The following ACE variants were observed in gnomAD, a reference collection of about 807,000 sequenced individuals.
The protein encoded by ACE is angiotensin-converting enzyme.
A neutral mutation model predicts 162.3 loss-of-function variants in ACE; 122 were observed. That is an observed-to-expected ratio of 0.75 (90% CI 0.65 to 0.87). The LOEUF (loss-of-function observed/expected upper bound fraction) is 0.87, where lower values mean the gene tolerates loss of function less well. ACE is among the 40% of genes least tolerant of loss of function. The probability of loss-of-function intolerance (pLI) is 0.00; values close to 1 mark genes in which losing one functional copy is unlikely to be tolerated. For synonymous variants in ACE, 796 were observed against 720.6 expected (o/e 1.10, Z -1.68); for missense variants, 1,799 against 1,735.1 (o/e 1.04, Z -0.65).
chr17:63,488,875 A>G, intron 16 of ACE, 66 bp from the exon 17 acceptor site: 1 of 1,613,786 alleles, frequency 6.2e-7, no homozygotes, highest in Non-Finnish European at 8.5e-7. Flanking sequence ...AGCCTAGGAA[A>G]AGGTAGATCC....
intron 20 of ACE, 37 bp downstream of exon 20, chr17:63,493,696 C>T (rs781345416): frequency 1.2e-6 from 2 of 1,606,400 alleles, no homozygotes; most frequent in South Asian, 1.1e-5. Context: ...GGGCTGAGGA[C>T]CAAGAAAGGG....
In ACE at chr17:63,484,549, C is replaced by A. The variant is rs369901803; in HGVS notation, c.1921+8C>A. On this transcript the variant is annotated splice_region_variant and intron_variant, in intron 12 of 24. Coordinates refer to ENST00000290866, the MANE Select transcript of ACE (RefSeq NM_000789.4). This position sits in a 1 kb window ranked among gnomAD's most constrained non-coding sequence, Gnocchi z 4.0. ...ACTACCCGGAGGGCATAGGTAAAGC[C>A]CTGAGTGAGGATGGTGTGGGGCTAA... The A allele has an allele frequency of 2.5e-6, 4 of 1,608,398 alleles. No homozygotes were observed. The highest frequency in any genetic ancestry group is 3.4e-6 in the Non-Finnish European group (4 of 1,178,334).
rs575365682 is a variant in ACE, at chr17:63,480,994, G to A, written c.848-97G>A. On this transcript the variant is annotated intron_variant, in intron 5 of 24. Coordinates refer to ENST00000290866, the MANE Select transcript of ACE (RefSeq NM_000789.4). ...GGCCTGCAGCCCTTGAGGGCCCCAG[G>A]GTACAGGTGCCGGCCCCAGGGTGCC... The A allele has an allele frequency of 8.2e-5, 100 of 1,217,048 alleles. No homozygotes were observed. In the South Asian group the frequency reaches 9.0e-4, roughly 11 times the overall value. The allele number at this position is 1,217,048 out of a possible 1,614,324, so 75.4% of individuals were successfully genotyped here. A position where few individuals can be genotyped will look rare whatever the true frequency, so the allele number is the denominator to read the frequency against.
intron 2 of ACE, 45 bp downstream of exon 2, chr17:63,478,143 CCCCAT>C (rs2049650334): frequency 1.9e-6 from 3 of 1,550,154 alleles, no homozygotes; most frequent in Non-Finnish European, 2.6e-6. Context: ...CCTCCTAGTG[CCCCAT>C]CGTGGGGGTC....
intron 1 of ACE, chr17:63,477,610 C>T (rs2049639758): frequency 5.1e-6 from 2 of 395,716 alleles, no homozygotes; most frequent in Admixed American, 4.0e-5. Context: ...GCTCTGGGGC[C>T]CCCGCGCTCT....
intron 9 of ACE, 106 bp from the exon 10 acceptor site, chr17:63,483,354 C>T: frequency 2.7e-6 from 4 of 1,464,206 alleles, no homozygotes; most frequent in Admixed American, 3.4e-5. Flanking sequence ...TCCCCAGTTC[C>T]TCAGGATGGG....
intron 7 of ACE, 51 bp from the exon 8 acceptor site, chr17:63,482,415 G>A (rs937170194): frequency 1.9e-6 from 3 of 1,555,534 alleles, no homozygotes; most frequent in Admixed American, 3.6e-5. Flanking sequence ...CCCTGGCCCT[G>A]CCCTGTTCTG....
intron 9 of ACE, 92 bp downstream of exon 9, chr17:63,483,265 TCTC>T: frequency 6.2e-7 from 1 of 1,600,268 alleles, no homozygotes; most frequent in Non-Finnish European, 8.5e-7. Flanking sequence ...AGTTCTAGCC[TCTC>T]CTCTCTAATG....
At position 63,488,957 on chromosome 17, in the gene ACE, G is replaced by A. The variant is rs758008802; in HGVS notation, c.2466G>A (p.Gly822=). ...CCTCTGTAGGCTATGTAGATGCAGGGGACTCGTGGAGGTCTATGTACGAGA... is the reference window on the plus strand; with the variant it reads ...CCTCTGTAGGCTATGTAGATGCAGGAGACTCGTGGAGGTCTATGTACGAGA... ...AARLNGYVDA[G]DSWRSMYETP... The change falls in exon 17 of 25, where the codon GGG becomes GGA. Residue 822 remains glycine, a synonymous_variant. Coordinates refer to ENST00000290866, the MANE Select transcript of ACE (RefSeq NM_000789.4). The A allele has an allele frequency of 3.1e-6, 5 of 1,614,110 alleles. No homozygotes were observed. The highest frequency in any genetic ancestry group is 4.2e-6 in the Non-Finnish European group (5 of 1,180,048).
Position 63,477,450 on chromosome 17 carries a change from C to T in ACE, c.249+107C>T, listed in dbSNP as rs2049636091. 4.4e-6 allele frequency: 4 copies of T among 911,110 alleles called. No homozygotes were observed. The South Asian group carries it at 2.1e-4, about 48-fold the overall frequency. 56.4% of individuals were successfully genotyped at this position (911,110 alleles called of 1,614,324 possible). On this transcript the variant is annotated intron_variant, in intron 1 of 24. Transcript: ENST00000290866. ...GCTGGCGCCCCCGACCCGAACCCCACCCCGACCCCGGACCCTCGCCCCGAC... is the reference window on the plus strand; with the variant it reads ...GCTGGCGCCCCCGACCCGAACCCCATCCCGACCCCGGACCCTCGCCCCGAC...
Position 63,497,758 on chromosome 17 carries a change from G to T in ACE, c.*392G>T. 5.0e-6 allele frequency: 2 copies of T among 399,826 alleles called. 1 individual carries two copies. Among genetic ancestry groups the T allele is most frequent in the South Asian group, 4.2e-5 (2 of 47,378 alleles). The allele number at this position is 399,826 out of a possible 1,614,324, so 24.8% of individuals were successfully genotyped here. A position where few individuals can be genotyped will look rare whatever the true frequency, so the allele number is the denominator to read the frequency against. On this transcript the variant is annotated 3_prime_UTR_variant, in exon 25 of 25. Transcript: ENST00000290866. Reference sequence around the variant, plus strand: ...AGCCGGGGAGGATCCCCAGAGCTCTGCCCCAGCACCTCCTGGCGCTGGCGC... The same window carrying T: ...AGCCGGGGAGGATCCCCAGAGCTCTTCCCCAGCACCTCCTGGCGCTGGCGC...
At chr17:63,497,038 T>A (rs759206929) in intron 24 of ACE, 53 bp downstream of exon 24, 1 of 1,581,506 alleles carries the variant, frequency 6.3e-7, no homozygotes, top group Non-Finnish European at 8.6e-7. Flanking sequence ...CTCCCCAGGC[T>A]GGGCAGCCAT....
chr17:63,489,678 C>G (rs919324526), intron 17 of ACE, among the ~76,000 whole-genome samples: 1 of 152,174 alleles, frequency 6.6e-6, no homozygotes, highest in African/African-American at 2.4e-5. Flanking sequence ...GCGGTGAGGA[C>G]AGTAAGGGAT....
At position 63,483,567 on chromosome 17, in the gene ACE, G is replaced by GCGGGGGGCCCCCC; in HGVS notation, c.1586+10_1586+11insGGGGGGCCCCCCC. 1.9e-6 allele frequency: 3 copies of GCGGGGGGCCCCCC among 1,589,392 alleles called. No individual in the cohort carries two copies. The highest frequency in any genetic ancestry group is 2.6e-6 in the Non-Finnish European group (3 of 1,165,568). Reference sequence around the variant, plus strand: ...GTGACACCATACATCAGGTATTAGCGCCCCCACCCCACCCACCCCCAGTAC... The same window carrying GCGGGGGGCCCCCC: ...GTGACACCATACATCAGGTATTAGCGCGGGGGGCCCCCCCCCCCACCCCACCCACCCCCAGTAC... On this transcript the variant is annotated intron_variant, in intron 10 of 24. Coordinates refer to ENST00000290866, the MANE Select transcript of ACE (RefSeq NM_000789.4).
Position 63,491,461 on chromosome 17 carries a change from T to A in ACE, c.2912+80T>A. On this transcript the variant is annotated intron_variant, in intron 19 of 24. Transcript: ENST00000290866. The surrounding 1 kb of genome is among the most constrained non-coding windows in gnomAD (Gnocchi z 4.4). Reference sequence around the variant, plus strand: ...GAACCAAGCAAAGGGTCCACTACTGTCCCCCAGCTGGAGCCAGCAGGGCAG... The same window carrying A: ...GAACCAAGCAAAGGGTCCACTACTGACCCCCAGCTGGAGCCAGCAGGGCAG... 6.3e-7 allele frequency: 1 copy of A among 1,576,714 alleles called. No individual in the cohort carries two copies. The highest frequency in any genetic ancestry group is 8.7e-7 in the Non-Finnish European group (1 of 1,151,328).
chr17:63,481,635 C>T lies in ACE; in HGVS notation c.1015C>T (p.Pro339Ser), dbSNP rs1455859263. Reference protein sequence around the residue: ...FFTSLELSPMPPEFWEGSMLE... With the variant: ...FFTSLELSPMSPEFWEGSMLE... ...CACCTCCCTGGAGCTCTCCCCCATG[C>T]CTCCCGAGTTCTGGGAAGGGTCGAT... Residue 339 changes from proline to serine, a missense_variant, in exon 7 of 25, where the codon CCT becomes TCT. Transcript: ENST00000290866. The T allele has an allele frequency of 1.9e-6, 3 of 1,614,108 alleles. No homozygotes were observed. In the East Asian group the frequency reaches 6.7e-5, roughly 36 times the overall value.
chr17:63,487,591 A>T (rs1462543574), intron 15 of ACE, among the ~76,000 whole-genome samples: 1 of 151,938 alleles, frequency 6.6e-6, no homozygotes, highest in African/African-American at 2.4e-5. Flanking sequence ...CTACCCTGCC[A>T]CTTCCTACTG....
At chr17:63,478,549 G>C (rs772467329) in intron 2 of ACE, 2 of 318,198 alleles carry the variant, frequency 6.3e-6, no homozygotes, top group Non-Finnish European at 1.2e-5. Flanking sequence ...TACAGTCCCA[G>C]CTACTCTTGA....
rs1260448350 is a variant in ACE at position 63,486,572 on chromosome 17, C to A, written c.2074C>A (p.Gln692Lys). The A allele has an allele frequency of 2.5e-6, 4 of 1,614,098 alleles. No individual in the cohort carries two copies. Among genetic ancestry groups the A allele is most frequent in the Non-Finnish European group, 3.4e-6 (4 of 1,180,050 alleles). The change falls in exon 14 of 25, where the codon CAA becomes AAA. Residue 692 changes from glutamine to lysine, a missense_variant. By Grantham distance (53) the Gln-to-Lys change is moderately conservative. Coordinates refer to ENST00000290866, the MANE Select transcript of ACE (RefSeq NM_000789.4). ...TSKILLQKNM[Q>K]IANHTLKYGT... is the part of the protein sequence containing the mutation. ...GTGCCCTCAGCTGCAGAAGAACATG[C>A]AAATAGCCAACCACACCCTGAAGTA...
Sources: gnomAD v4.1 joint callset for allele counts (sites outside exome capture counted in the v4.1 genomes callset) on GRCh38, gnomAD v4.1.1 for gene constraint, Gnocchi (gnomAD v3.1) non-coding constraint, MANE v1.5 for transcripts, NCBI Gene and HGNC (gene_info 2026-07-23, HGNC 2026-07-21) for gene names.